RUSC2: variants seen among roughly 807,000 people sequenced by gnomAD.
RUSC2 encodes the protein RUN and SH3 domain containing 2, also known as AP-4 complex accessory subunit RUSC2.
In RUSC2, 34 loss-of-function variants were observed where a neutral mutation model predicts 122.2. The ratio of observed to expected loss-of-function variants is 0.28; its 90% CI spans 0.21 to 0.37. RUSC2 has a LOEUF of 0.37. Among genes scored for constraint, RUSC2 ranks in the 10% least tolerant of loss-of-function variants. RUSC2 has a pLI of 1.00. For synonymous variants in RUSC2, 784 were observed against 790.0 expected (o/e 0.99, Z 0.13); for missense variants, 1,747 against 1,952.4 (o/e 0.89, Z 1.98).
intron 1 of RUSC2, among the ~76,000 whole-genome samples, chr9:35,514,617 T>C (rs1821069525): frequency 6.6e-6 from 1 of 152,184 alleles, no homozygotes; most frequent in African/African-American, 2.4e-5. Context: ...TGGTAGGATG[T>C]ATAAAGTAGC....
intron 1 of RUSC2, among the ~76,000 whole-genome samples, chr9:35,544,513 G>A (rs1242151922): frequency 3.3e-5 from 5 of 151,900 alleles, no homozygotes; most frequent in African/African-American, 7.3e-5. Context: ...TCACCATGTC[G>A]GCCAGGATGG....
In RUSC2 at chr9:35,548,035, G is replaced by A. The variant is rs777526744; in HGVS notation, c.1514G>A (p.Arg505His). Reference protein sequence around the residue: ...RSRSYDRSLQRSPPVRLGSLE... With the variant: ...RSRSYDRSLQHSPPVRLGSLE... ...CGCAGCTATGATCGCAGCCTGCAGC[G>A]CAGCCCTCCTGTCCGCCTGGGCTCG... The change falls in exon 2 of 12, where the codon CGC becomes CAC. Residue 505 changes from arginine to histidine, a missense_variant. By Grantham distance (29) the Arg-to-His change is conservative (BLOSUM62 0). Coordinates refer to ENST00000361226, the MANE Select transcript of RUSC2 (RefSeq NM_014806.5). The surrounding 1 kb of genome is among the most constrained non-coding windows in gnomAD (Gnocchi z 4.5). 14 of 1,613,584 alleles carry A rather than the reference G, an allele frequency of 8.7e-6. No homozygotes were observed. The highest frequency in any genetic ancestry group is 4.5e-5 in the East Asian group (2 of 44,896).
rs1002103144 is a variant in RUSC2, at chr9:35,561,877, AAG to A, written c.*496_*497del. The A allele has an allele frequency of 4.3e-6, 3 of 692,102 alleles. No homozygotes were observed. The highest frequency in any genetic ancestry group is 5.5e-5 in the East Asian group (2 of 36,436). 42.9% of individuals were successfully genotyped at this position (692,102 alleles called of 1,614,324 possible). A position where few individuals can be genotyped will look rare whatever the true frequency, so the allele number is the denominator to read the frequency against. ...TTATTTATTATACCTATTAATAAAA[AAG>A]GTGCTCAGCCTCCAAACCATTTTCT... On this transcript the variant is annotated 3_prime_UTR_variant, in exon 12 of 12. Transcript: ENST00000361226.
chr9:35,535,480 C>T (rs1246468175), intron 1 of RUSC2, among the ~76,000 whole-genome samples: 4 of 149,314 alleles, frequency 2.7e-5, no homozygotes, highest in African/African-American at 9.8e-5. Flanking sequence ...TCTTTCAAGC[C>T]TATTGAGTCA....
intron 1 of RUSC2, among the ~76,000 whole-genome samples, chr9:35,512,642 A>T (rs1006446289): frequency 1.3e-5 from 2 of 152,230 alleles, no homozygotes; most frequent in African/African-American, 4.8e-5. Context: ...ACAGATGATC[A>T]AAAAGAAGAT....
At chr9:35,559,563 C>T (rs532326126) in intron 9 of RUSC2, among the ~76,000 whole-genome samples, 3 of 152,082 alleles carry the variant, frequency 2.0e-5, no homozygotes, top group Non-Finnish European at 4.4e-5. Flanking sequence ...GGTGAAACCC[C>T]GTCTCTACTA....
At chr9:35,494,535 C>T (rs1419337333) in intron 1 of RUSC2, among the ~76,000 whole-genome samples, 2 of 152,048 alleles carry the variant, frequency 1.3e-5, no homozygotes, top group African/African-American at 4.8e-5. Flanking sequence ...TCATATTTCT[C>T]TAATGAAAAG....
At chr9:35,494,149 T>C (rs1820624351) in intron 1 of RUSC2, among the ~76,000 whole-genome samples, 1 of 151,960 alleles carries the variant, frequency 6.6e-6, no homozygotes, top group Non-Finnish European at 1.5e-5. Flanking sequence ...GCAACACTTG[T>C]TTTCTTTTTT....
rs1554645221 is a variant in RUSC2, at chr9:35,561,376, A to G, written c.4545A>G (p.Gln1515=). 1 of 1,610,762 alleles carries G rather than the reference A, an allele frequency of 6.2e-7. No homozygotes were observed. The highest frequency in any genetic ancestry group is 8.5e-7 in the Non-Finnish European group (1 of 1,178,390). ...PTPSPTPGSS[Q]N Reference sequence around the variant, plus strand: ...CAAGTCCAACCCCTGGAAGCAGCCAAAACTGAGGCCCTGTGCATGCTGGTG... The same window carrying G: ...CAAGTCCAACCCCTGGAAGCAGCCAGAACTGAGGCCCTGTGCATGCTGGTG... Residue 1515 remains glutamine (Q), a synonymous_variant, in exon 12 of 12, where the codon CAA becomes CAG. Transcript: ENST00000361226.
rs1822076890 is a variant in RUSC2, at chr9:35,558,661, A to C, written c.3341+94A>C. On this transcript the variant is annotated intron_variant, in intron 8 of 11. Coordinates refer to ENST00000361226, the MANE Select transcript of RUSC2 (RefSeq NM_014806.5). This position sits in a 1 kb window ranked among gnomAD's most constrained non-coding sequence, Gnocchi z 4.3. ...ACCAAGGAAACAACGCCCTGGACAG[A>C]CAGAAAGGGTGGATCTGGAGGGTCC... 1 of 1,061,844 alleles carries C rather than the reference A, an allele frequency of 9.4e-7. No homozygotes were observed. The highest frequency in any genetic ancestry group is 2.4e-5 in the East Asian group (1 of 42,156). 65.8% of individuals were successfully genotyped at this position (1,061,844 alleles called of 1,614,324 possible).
At chr9:35,507,140 A>G (rs1349740981) in intron 1 of RUSC2, among the ~76,000 whole-genome samples, 1 of 152,126 alleles carries the variant, frequency 6.6e-6, no homozygotes, top group African/African-American at 2.4e-5. Flanking sequence ...AAATAAGAAT[A>G]ATCACAAAAT....
rs745499536 is a variant in RUSC2, at chr9:35,548,400, T to C, written c.1879T>C (p.Ser627Pro). Reference sequence around the variant, plus strand: ...CACCCAGGTCTGTCAGGGACCCCACTCCAGTGAGATGCCTCCTGCTGGCCT... The same window carrying C: ...CACCCAGGTCTGTCAGGGACCCCACCCCAGTGAGATGCCTCCTGCTGGCCT... The part of the protein sequence containing the change: ...WSTQVCQGPH[S>P]SEMPPAGLRA... Residue 627 changes from serine to proline, a missense_variant, in exon 2 of 12, where the codon TCC becomes CCC. Physicochemically the swap from Ser to Pro is moderately conservative, Grantham distance 74 (BLOSUM62 -1). Transcript: ENST00000361226. This position sits in a 1 kb window ranked among gnomAD's most constrained non-coding sequence, Gnocchi z 4.5. 3 of 1,613,872 alleles carry C rather than the reference T, an allele frequency of 1.9e-6. No individual in the cohort carries two copies. The South Asian group carries it at 3.3e-5, about 18-fold the overall frequency.
intron 1 of RUSC2, among the ~76,000 whole-genome samples, chr9:35,492,241 C>T (rs1488570507): frequency 6.6e-6 from 1 of 152,076 alleles, no homozygotes; most frequent in East Asian, 1.9e-4. Flanking sequence ...TGTATTTTTA[C>T]TTGCTAAATC....
At chr9:35,549,475 T>G (rs1309294938) in intron 2 of RUSC2, among the ~76,000 whole-genome samples, 1 of 152,164 alleles carries the variant, frequency 6.6e-6, no homozygotes, top group African/African-American at 2.4e-5. Context: ...TTTTCAAGGA[T>G]TCCAGCTAAG....
At chr9:35,516,022 A>AAAAAAAAAAAAAGAG (rs1554724501) in intron 1 of RUSC2, among the ~76,000 whole-genome samples, 9 of 127,200 alleles carry the variant, frequency 7.1e-5, no homozygotes, top group East Asian at 2.1e-4. Context: ...AAAAAAAAAA[A>AAAAAAAAAAAAAGAG]AGAGAAATGC....
At position 35,560,678 on chromosome 9, in the gene RUSC2, G is replaced by A. The variant is rs1410824748; in HGVS notation, c.4038G>A (p.Gly1346=). Residue 1346 remains glycine, a synonymous_variant, in exon 10 of 12, where the codon GGG becomes GGA. Coordinates refer to ENST00000361226, the MANE Select transcript of RUSC2 (RefSeq NM_014806.5). ...AAAGGGGCTGGCCCTTCTGGATGGG[G>A]AGCCCCCCTGACTCTGTGCTGGCCG... The part of the protein sequence containing the change: ...GRERGWPFWM[G]SPPDSVLAEL... 1.3e-6 allele frequency: 2 copies of A among 1,574,772 alleles called. No homozygotes were observed. Among genetic ancestry groups the A allele is most frequent in the Admixed American group, 1.9e-5 (1 of 53,406 alleles).
chr9:35,548,059 C>G lies in RUSC2; in HGVS notation c.1538C>G (p.Ser513Trp). 1 of 1,613,536 alleles carries G rather than the reference C, an allele frequency of 6.2e-7. No individual in the cohort carries two copies. The highest frequency in any genetic ancestry group is 1.1e-5 in the South Asian group (1 of 91,088). ...LQRSPPVRLG[S>W]LERMLSCPVR... ...CGCAGCCCTCCTGTCCGCCTGGGCT[C>G]GCTGGAACGTATGTTGAGTTGCCCA... The change falls in exon 2 of 12, where the codon TCG becomes TGG. Residue 513 changes from serine (S) to tryptophan (W), a missense_variant. Physicochemically the swap from Ser to Trp is radical, Grantham distance 177 (BLOSUM62 -3). Coordinates refer to ENST00000361226, the MANE Select transcript of RUSC2 (RefSeq NM_014806.5). This position sits in a 1 kb window ranked among gnomAD's most constrained non-coding sequence, Gnocchi z 4.5.
At position 35,561,777 on chromosome 9, in the gene RUSC2, A is replaced by AAAT. The variant is rs1341874906; in HGVS notation, c.*397_*399dup. On this transcript the variant is annotated 3_prime_UTR_variant, in exon 12 of 12. Coordinates refer to ENST00000361226, the MANE Select transcript of RUSC2 (RefSeq NM_014806.5). ...CCAGATCCCTAAGCCCCCCAGCTGT[A>AAAT]AATAGGCTGTGGCCAGTGCCTGGTC... The AAAT allele has an allele frequency of 1.8e-6, 1 of 560,090 alleles. No homozygotes were observed. Among genetic ancestry groups the AAAT allele is most frequent in the East Asian group, 3.0e-5 (1 of 33,550 alleles). The allele number at this position is 560,090 out of a possible 1,614,324, so 34.7% of individuals were successfully genotyped here. A position where few individuals can be genotyped will look rare whatever the true frequency, so the allele number is the denominator to read the frequency against.
At chr9:35,505,841 T>C (rs919975933) in intron 1 of RUSC2, among the ~76,000 whole-genome samples, 2 of 152,208 alleles carry the variant, frequency 1.3e-5, no homozygotes, top group African/African-American at 4.8e-5. Context: ...TCTAACTTCC[T>C]CAACCTGACA....
Sources: gnomAD v4.1 joint callset for allele counts (sites outside exome capture counted in the v4.1 genomes callset) on GRCh38, gnomAD v4.1.1 for gene constraint, Gnocchi (gnomAD v3.1) non-coding constraint, MANE v1.5 for transcripts, NCBI Gene and HGNC (gene_info 2026-07-23, HGNC 2026-07-21) for gene names.